Variants in PRKAG2 observed in about 807,000 individuals in gnomAD.
PRKAG2 encodes the protein protein kinase AMP-activated non-catalytic subunit gamma 2, also known as 5'-AMP-activated protein kinase subunit gamma-2.
In PRKAG2, 26 loss-of-function variants were observed where a neutral mutation model predicts 69.6. That is an observed-to-expected ratio of 0.37 (90% CI 0.27 to 0.52). The LOEUF (loss-of-function observed/expected upper bound fraction) is 0.52. Among genes scored for constraint, PRKAG2 ranks in the 20% least tolerant of loss-of-function variants. The probability of loss-of-function intolerance (pLI) is 0.90; values close to 1 mark genes in which losing one functional copy is unlikely to be tolerated. For synonymous variants in PRKAG2, 293 were observed against 285.0 expected (o/e 1.03, Z -0.28); for missense variants, 557 against 740.0 (o/e 0.75, Z 2.87).
At chr7:151,857,550 G>A (rs1226106309) in intron 1 of PRKAG2, among the ~76,000 whole-genome samples, 1 of 152,258 alleles carries the variant, frequency 6.6e-6, no homozygotes, top group Non-Finnish European at 1.5e-5. Context: ...GCGGTTGTGT[G>A]TGGGCTCAGG....
At chr7:151,597,897 C>A (rs1215787371) in intron 5 of PRKAG2, among the ~76,000 whole-genome samples, 1 of 140,644 alleles carries the variant, frequency 7.1e-6, no homozygotes, top group East Asian at 2.4e-4. Flanking sequence ...GAAAACAGTA[C>A]AGAGGTTCCT....
At chr7:151,575,032 T>C in intron 7 of PRKAG2, 83 bp from the exon 8 acceptor site, 2 of 1,547,830 alleles carry the variant, frequency 1.3e-6, no homozygotes, top group East Asian at 2.3e-5. Flanking sequence ...CTAGAATATA[T>C]GCTAGAAGAG....
chr7:151,622,733 A>G (rs954490240), intron 5 of PRKAG2, among the ~76,000 whole-genome samples: 3 of 152,224 alleles, frequency 2.0e-5, no homozygotes, highest in Admixed American at 1.3e-4. Context: ...TCCAATCGCA[A>G]AAGCTGCCAA....
chr7:151,559,253 T>G, intron 15 of PRKAG2: 1 of 974,960 alleles, frequency 1.0e-6, no homozygotes, highest in Non-Finnish European at 1.2e-6. Context: ...CTGTATCGTA[T>G]TCCATCGAAT....
Position 151,694,704 on chromosome 7 carries a change from C to T in PRKAG2, c.467-19067G>A, listed in dbSNP as rs113833815. ...AGGGCTTTCTCTCACAATTCCCTCC[C>T]GGCTTTGCCATCGCTTTGCTATTGC... On this transcript the variant is annotated intron_variant, in intron 3 of 15. Transcript: ENST00000287878. 4.6e-4 allele frequency among the ~76,000 whole-genome samples: 70 copies of T among 152,376 alleles called. 1 individual carries two copies. The highest frequency in any genetic ancestry group is 1.7e-3 in the African/African-American group (69 of 41,592).
intron 5 of PRKAG2, among the ~76,000 whole-genome samples, chr7:151,623,130 G>A (rs1821914584): frequency 2.0e-5 from 3 of 152,090 alleles, no homozygotes; most frequent in Admixed American, 2.0e-4. Flanking sequence ...ACTTTGGGAG[G>A]CTGAGGCAGG....
chr7:151,595,708 C>A (rs1814325406), intron 5 of PRKAG2, among the ~76,000 whole-genome samples: 3 of 152,162 alleles, frequency 2.0e-5, no homozygotes, highest in Admixed American at 2.0e-4. Context: ...GCAAAACTGT[C>A]TTTATGTGCA....
At chr7:151,578,108 C>T (rs1809429279) in intron 6 of PRKAG2, among the ~76,000 whole-genome samples, 1 of 151,290 alleles carries the variant, frequency 6.6e-6, no homozygotes, top group Non-Finnish European at 1.5e-5. Context: ...TGGGAGGCCC[C>T]CCGAGATGGG....
At chr7:151,619,534 C>G (rs542709926) in intron 5 of PRKAG2, among the ~76,000 whole-genome samples, 1 of 152,302 alleles carries the variant, frequency 6.6e-6, no homozygotes, top group African/African-American at 2.4e-5. Flanking sequence ...GAGACAGTGG[C>G]ACCTTTGCTT....
Position 151,692,898 on chromosome 7 carries a change from C to T in PRKAG2, c.467-17261G>A, listed in dbSNP as rs138755117. On this transcript the variant is annotated intron_variant, in intron 3 of 15. Coordinates refer to ENST00000287878, the MANE Select transcript of PRKAG2 (RefSeq NM_016203.4). ...GCGGGGGAGTGCGAGGGGGAAGGAG[C>T]GAGGTCTCAGAGGCTCAGGCAACCT... Among the ~76,000 whole-genome samples, 287 of 152,270 alleles carry T rather than the reference C, an allele frequency of 1.9e-3. 1 individual carries two copies. Among genetic ancestry groups the T allele is most frequent in the African/African-American group, 6.7e-3 (277 of 41,552 alleles).
intron 10 of PRKAG2, among the ~76,000 whole-genome samples, chr7:151,569,568 A>G (rs1362608804): frequency 6.6e-6 from 1 of 152,246 alleles, no homozygotes; most frequent in Non-Finnish European, 1.5e-5. Flanking sequence ...TGGGACTGCC[A>G]GTAAGAAGGT....
At chr7:151,739,797 C>T (rs551198320) in intron 3 of PRKAG2, among the ~76,000 whole-genome samples, 5 of 152,194 alleles carry the variant, frequency 3.3e-5, no homozygotes, top group African/African-American at 7.2e-5. Context: ...CCTGCTTTCG[C>T]TTACACCATT....
intron 1 of PRKAG2, among the ~76,000 whole-genome samples, chr7:151,876,254 T>A (rs2080401029): frequency 6.7e-6 from 1 of 149,158 alleles, no homozygotes; most frequent in Non-Finnish European, 1.5e-5. Flanking sequence ...CGGCGCCCCC[T>A]CTAGTCTGCA....
intron 3 of PRKAG2, among the ~76,000 whole-genome samples, chr7:151,687,856 G>T (rs1020294860): frequency 2.6e-5 from 4 of 152,246 alleles, no homozygotes; most frequent in African/African-American, 9.6e-5. Context: ...CACCAGGCGA[G>T]GTGGGTGCCT....
At position 151,771,497 on chromosome 7, in the gene PRKAG2, G is replaced by A. The variant is rs1173052291; in HGVS notation, c.466+9655C>T. On this transcript the variant is annotated intron_variant, in intron 3 of 15. Coordinates refer to ENST00000287878, the MANE Select transcript of PRKAG2 (RefSeq NM_016203.4). This position sits in a 1 kb window ranked among gnomAD's most constrained non-coding sequence, Gnocchi z 4.0. The stretch of plus-strand genomic sequence containing the variant: ...TTGCTGTATCTGAACAACTGTGGGA[G>A]GAATCATTTTGTATGCATGCAGTAC... 6.6e-6 allele frequency among the ~76,000 whole-genome samples: 1 copy of A among 152,184 alleles called. No individual in the cohort carries two copies. The highest frequency in any genetic ancestry group is 2.4e-5 in the African/African-American group (1 of 41,440).
intron 1 of PRKAG2, among the ~76,000 whole-genome samples, chr7:151,794,815 C>T (rs550984572): frequency 5.3e-5 from 8 of 152,354 alleles, no homozygotes; most frequent in East Asian, 1.9e-4. Context: ...CCAGAGTCTC[C>T]GGCTCTGTCC....
chr7:151,857,920 C>T (rs2178304), intron 1 of PRKAG2, among the ~76,000 whole-genome samples: 59,464 of 152,130 alleles, frequency 0.39, 12,799 homozygotes, highest in South Asian at 0.55. Context: ...CAAAGAATTG[C>T]GGGTTTTACT....
At chr7:151,809,307 G>C in intron 1 of PRKAG2, 1 of 455,964 alleles carries the variant, frequency 2.2e-6, no homozygotes. Context: ...GACGGGTGCA[G>C]AATCAGCAGC....
intron 1 of PRKAG2, among the ~76,000 whole-genome samples, chr7:151,829,064 TTC>T (rs750480984): frequency 1.3e-5 from 2 of 152,202 alleles, no homozygotes; most frequent in Admixed American, 6.6e-5. Context: ...AAATGAAAAC[TTC>T]TGTGCTTCAA....
Sources: allele counts gnomAD v4.1 joint callset (sites outside exome capture counted in the v4.1 genomes callset), GRCh38; gene constraint gnomAD v4.1.1; non-coding constraint Gnocchi (gnomAD v3.1); transcripts MANE v1.5; gene names NCBI Gene and HGNC (gene_info 2026-07-23, HGNC 2026-07-21).